Variants in DTL observed in about 807,000 individuals in gnomAD.
DTL encodes denticleless E3 ubiquitin protein ligase adapter, also known as denticleless protein homolog.
A neutral mutation model predicts 87.0 loss-of-function variants in DTL; 46 were observed. The observed-to-expected ratio is 0.53, with a 90% CI of 0.42 to 0.68. The LOEUF is 0.68. Ranked by LOEUF, DTL falls within the 30% of genes least tolerant of loss-of-function variation. The probability of loss-of-function intolerance (pLI) is 0.00; values close to 1 mark genes in which losing one functional copy is unlikely to be tolerated. For missense variants in DTL, 737 were observed against 869.4 expected, an observed-to-expected ratio of 0.85 and a Z score of 1.91; for synonymous variants, 308 against 311.2, an observed-to-expected ratio of 0.99 and a Z score of 0.11.
intron 5 of DTL, among the ~76,000 whole-genome samples, chr1:212,059,256 C>G (rs1039292931): frequency 6.6e-6 from 1 of 150,892 alleles, no homozygotes; most frequent in Non-Finnish European, 1.5e-5. Context: ...GACATAGATG[C>G]AAAAATCCTC....
chr1:212,101,638 C>A (rs966612958), intron 14 of DTL, among the ~76,000 whole-genome samples: 1 of 152,172 alleles, frequency 6.6e-6, no homozygotes, highest in Admixed American at 6.5e-5. Flanking sequence ...TTTATGACTT[C>A]TCCACAATCT....
chr1:212,067,207 T>C (rs1374960266), intron 8 of DTL, among the ~76,000 whole-genome samples: 1 of 152,234 alleles, frequency 6.6e-6, no homozygotes, highest in Non-Finnish European at 1.5e-5. Flanking sequence ...TAGTCACTAA[T>C]TCTCATTTTG....
At chr1:212,073,831 T>G (rs548829713) in intron 11 of DTL, among the ~76,000 whole-genome samples, 2 of 152,218 alleles carry the variant, frequency 1.3e-5, no homozygotes, top group East Asian at 3.9e-4. Context: ...TTACTTGAGA[T>G]TTTAAGTTTA....
intron 1 of DTL, among the ~76,000 whole-genome samples, 170 bp from the exon 2 acceptor site, chr1:212,042,823 A>G (rs1222488760): frequency 6.6e-6 from 1 of 152,172 alleles, no homozygotes; most frequent in East Asian, 1.9e-4. Context: ...TTTTTTCCTT[A>G]GGACTCCTTA....
rs150308648 is a variant in DTL, at chr1:212,087,931, T to C, written c.1261+7181T>C. Among the ~76,000 whole-genome samples, 41 of 152,278 alleles carry C rather than the reference T, an allele frequency of 2.7e-4. No individual in the cohort carries two copies. The East Asian group carries it at 7.2e-3, about 27-fold the overall frequency. ...TTAAGTGCTAAGACATAGCCTCTTT[T>C]TCTCCTGCCCTACCTTTCCCAGCCG... On this transcript the variant is annotated intron_variant, in intron 13 of 14. Transcript: ENST00000366991.
rs373040967 is a variant in DTL, at chr1:212,037,930, T to G, written c.52+1988T>G. Among the ~76,000 whole-genome samples, 55 of 152,356 alleles carry G rather than the reference T, an allele frequency of 3.6e-4. 2 individuals are homozygous for G. In the South Asian group the frequency reaches 0.011, roughly 30 times the overall value. On this transcript the variant is annotated intron_variant, in intron 1 of 14. Coordinates refer to ENST00000366991, the MANE Select transcript of DTL (RefSeq NM_016448.4). ...TGATTATTGTAAAGTTTACCCATTT[T>G]TATTTTACAATGATTTGTATTCATT...
chr1:212,092,645 G>A (rs905502134), intron 13 of DTL, among the ~76,000 whole-genome samples: 21 of 152,024 alleles, frequency 1.4e-4, no homozygotes, highest in African/African-American at 4.8e-4. Context: ...TATACACCAC[G>A]TTTTCTTTAT....
chr1:212,102,833 T>C lies in DTL; in HGVS notation c.2095-9T>C. The C allele has an allele frequency of 6.3e-7, 1 of 1,589,364 alleles. No individual in the cohort carries two copies. The highest frequency in any genetic ancestry group is 1.3e-5 in the African/African-American group (1 of 74,194). On this transcript the variant is annotated splice_polypyrimidine_tract_variant and intron_variant, in intron 14 of 14. Coordinates refer to ENST00000366991, the MANE Select transcript of DTL (RefSeq NM_016448.4). ...GGAAATCTCTGAAATCTAAACTTTCTTCTTCTAGGTCACCATCACGCCCAG... is the reference window on the plus strand; with the variant it reads ...GGAAATCTCTGAAATCTAAACTTTCCTCTTCTAGGTCACCATCACGCCCAG...
rs1260909300 is a variant in DTL, at chr1:212,103,677, A to G, written c.*737A>G. The G allele has an allele frequency of 6.6e-6, 1 of 152,164 alleles. No homozygotes were observed. The highest frequency in any genetic ancestry group is 2.4e-5 in the African/African-American group (1 of 41,446). 9.4% of individuals were successfully genotyped at this position (152,164 alleles called of 1,614,324 possible). ...CAGGTCCCCATGTTTTCACCAAGCA[A>G]TCTGCTATGTCAGCCAACCCAACAT... On this transcript the variant is annotated 3_prime_UTR_variant, in exon 15 of 15. Transcript: ENST00000366991.
intron 1 of DTL, among the ~76,000 whole-genome samples, chr1:212,037,291 T>G (rs1230856526): frequency 1.3e-5 from 2 of 152,240 alleles, no homozygotes; most frequent in African/African-American, 2.4e-5. Flanking sequence ...TGTTACATAA[T>G]AGTCACTGAA....
chr1:212,071,102 T>A (rs1654657516), intron 10 of DTL, among the ~76,000 whole-genome samples: 1 of 152,218 alleles, frequency 6.6e-6, no homozygotes, highest in South Asian at 2.1e-4. Flanking sequence ...ATGTCTGATG[T>A]GAGGAGTATT....
intron 13 of DTL, among the ~76,000 whole-genome samples, chr1:212,098,304 G>A (rs1655508322): frequency 6.6e-6 from 1 of 152,202 alleles, no homozygotes; most frequent in African/African-American, 2.4e-5. Context: ...CTGCTTTCTT[G>A]GAGCAGGGTT....
Position 212,077,708 on chromosome 1 carries a change from GT to G in DTL, c.1036-462del, listed in dbSNP as rs1166389832. 3 of 153,708 alleles carry G rather than the reference GT, an allele frequency of 2.0e-5. No individual in the cohort carries two copies. The Admixed American group carries it at 2.0e-4, about 10-fold the overall frequency. The allele number at this position is 153,708 out of a possible 1,614,324, so 9.5% of individuals were successfully genotyped here. Reference sequence around the variant, plus strand: ...GGTAGCATGTTTCAGAAATCTTCAGGTTTCACAGTTAATTTAGTGTTCCTAG... The same window carrying G: ...GGTAGCATGTTTCAGAAATCTTCAGGTTCACAGTTAATTTAGTGTTCCTAG... On this transcript the variant is annotated intron_variant, in intron 11 of 14. Coordinates refer to ENST00000366991, the MANE Select transcript of DTL (RefSeq NM_016448.4).
chr1:212,086,179 G>A (rs992822327), intron 13 of DTL, among the ~76,000 whole-genome samples: 8 of 152,202 alleles, frequency 5.3e-5, no homozygotes, highest in Non-Finnish European at 8.8e-5. Flanking sequence ...GAATTGCAGT[G>A]ACTGTGTAGA....
At position 212,086,349 on chromosome 1, in the gene DTL, A is replaced by T. The variant is rs574011000; in HGVS notation, c.1261+5599A>T. 7.9e-5 allele frequency among the ~76,000 whole-genome samples: 12 copies of T among 152,194 alleles called. No homozygotes were observed. In the South Asian group the frequency reaches 1.0e-3, roughly 13 times the overall value. On this transcript the variant is annotated intron_variant, in intron 13 of 14. Transcript: ENST00000366991. ...GAGGCCATTAGAGAATACTGATTTT[A>T]AAAAAAAGTCATCAGTATTCCCTCC...
rs1013912174 is a variant in DTL at position 212,048,830 on chromosome 1, CTG to C, written c.460+1415_460+1416del. On this transcript the variant is annotated intron_variant, in intron 5 of 14. Coordinates refer to ENST00000366991, the MANE Select transcript of DTL (RefSeq NM_016448.4). ...TATCACTAAAAAAAAAAAAAGTACT[CTG>C]TTTTAAAAATCAAATGTTTTCATTT... Among the ~76,000 whole-genome samples the C allele has an allele frequency of 1.4e-4, 21 of 151,362 alleles. 1 individual carries two copies. The highest frequency in any genetic ancestry group is 2.6e-4 in the Admixed American group (4 of 15,210).
At chr1:212,075,416 C>G (rs1654798326) in intron 11 of DTL, among the ~76,000 whole-genome samples, 1 of 152,078 alleles carries the variant, frequency 6.6e-6, no homozygotes, top group South Asian at 2.1e-4. Context: ...GTCTCTTAGA[C>G]TTAATAGTCG....
At chr1:212,083,627 A>G (rs1178348197) in intron 13 of DTL, among the ~76,000 whole-genome samples, 1 of 152,194 alleles carries the variant, frequency 6.6e-6, no homozygotes, top group Non-Finnish European at 1.5e-5. Context: ...ATTATAGAAG[A>G]AGGAGGTCAA....
intron 11 of DTL, among the ~76,000 whole-genome samples, chr1:212,072,854 C>A (rs1409499825): frequency 2.0e-5 from 3 of 150,848 alleles, no homozygotes; most frequent in Non-Finnish European, 2.9e-5. Flanking sequence ...AGCTCCGCCT[C>A]CCAGGTTCAC....
Sources: gnomAD v4.1 joint callset for allele counts (sites outside exome capture counted in the v4.1 genomes callset) on GRCh38, gnomAD v4.1.1 for gene constraint, MANE v1.5 for transcripts, NCBI Gene and HGNC (gene_info 2026-07-23, HGNC 2026-07-21) for gene names.